The following NRXN1 variants were observed in gnomAD, a reference collection of about 807,000 sequenced individuals.
The protein encoded by NRXN1 is neurexin-1.
A neutral mutation model predicts 150.9 loss-of-function variants in NRXN1; 39 were observed. The ratio of observed to expected loss-of-function variants is 0.26; its 90% CI spans 0.20 to 0.34. The LOEUF (loss-of-function observed/expected upper bound fraction) is 0.34. Among genes scored for constraint, NRXN1 ranks in the 10% least tolerant of loss-of-function variants. NRXN1 has a pLI of 1.00. For synonymous variants in NRXN1, 924 were observed against 757.0 expected, an observed-to-expected ratio of 1.22 and a Z score of -3.62; for missense variants, 1,815 against 1,949.9, an observed-to-expected ratio of 0.93 and a Z score of 1.30.
intron 18 of NRXN1, among the ~76,000 whole-genome samples, chr2:50,111,883 C>T (rs112381124): frequency 1.1e-3 from 160 of 152,244 alleles, no homozygotes; most frequent in African/African-American, 3.7e-3. Context: ...AGCTTAGATG[C>T]TAATGGACCT....
intron 5 of NRXN1, among the ~76,000 whole-genome samples, chr2:50,637,874 T>G (rs1573915705): frequency 1.3e-5 from 2 of 150,486 alleles, no homozygotes; most frequent in African/African-American, 5.0e-5. Flanking sequence ...GATCTAGTAT[T>G]TAAAAAAAAA....
intron 17 of NRXN1, among the ~76,000 whole-genome samples, chr2:50,270,129 A>C (rs1236331454): frequency 6.6e-6 from 1 of 152,158 alleles, no homozygotes; most frequent in Non-Finnish European, 1.5e-5. Context: ...ATGACTCAAA[A>C]CCATGTGGGA....
chr2:50,439,104 C>T lies in NRXN1; in HGVS notation c.3364+26338G>A, dbSNP rs529772483. On this transcript the variant is annotated intron_variant, in intron 17 of 22. Transcript: ENST00000401669. The stretch of plus-strand genomic sequence containing the variant: ...AAAATTGTGTCTGTAGGATCGGTGG[C>T]TCTCTTGTCCTGCCAAAAGATTGAG... 3.3e-5 allele frequency among the ~76,000 whole-genome samples: 5 copies of T among 152,264 alleles called. No individual in the cohort carries two copies. The South Asian group carries it at 1.0e-3, about 32-fold the overall frequency.
At chr2:50,535,665 C>T (rs942647014) in intron 10 of NRXN1, among the ~76,000 whole-genome samples, 1 of 152,138 alleles carries the variant, frequency 6.6e-6, no homozygotes, top group Non-Finnish European at 1.5e-5. Flanking sequence ...ATTCATTGAA[C>T]ATTATTTCTG....
chr2:50,326,715 A>T (rs1484758511), intron 17 of NRXN1, among the ~76,000 whole-genome samples: 1 of 152,148 alleles, frequency 6.6e-6, no homozygotes, highest in Non-Finnish European at 1.5e-5. Flanking sequence ...CTATGTACAT[A>T]ATTATATAGA....
At chr2:51,010,099 G>C (rs1453587855) in intron 2 of NRXN1, among the ~76,000 whole-genome samples, 1 of 151,884 alleles carries the variant, frequency 6.6e-6, no homozygotes, top group Non-Finnish European at 1.5e-5. Flanking sequence ...TAAATCCCTG[G>C]AAAGTCATAT....
chr2:50,226,245 G>A (rs1197051528), intron 18 of NRXN1, among the ~76,000 whole-genome samples: 1 of 151,956 alleles, frequency 6.6e-6, no homozygotes, highest in East Asian at 1.9e-4. Flanking sequence ...GAACAGTTAT[G>A]AGACTGTTGA....
At chr2:50,265,990 TTA>T (rs1558408637) in intron 17 of NRXN1, among the ~76,000 whole-genome samples, 1,006 of 98,076 alleles carry the variant, frequency 0.01, 8 homozygotes, top group African/African-American at 0.039. Flanking sequence ...ATTATTATTA[TTA>T]TTATTATTTA....
At chr2:50,014,165 AAT>A (rs1321990225) in intron 21 of NRXN1, among the ~76,000 whole-genome samples, 1 of 151,774 alleles carries the variant, frequency 6.6e-6, no homozygotes, top group Non-Finnish European at 1.5e-5. Flanking sequence ...TAGCAGAGCG[AAT>A]AGTGTTGAAG....
intron 2 of NRXN1, among the ~76,000 whole-genome samples, chr2:51,013,630 C>T (rs1668235066): frequency 6.6e-6 from 1 of 151,940 alleles, no homozygotes; most frequent in Non-Finnish European, 1.5e-5. Context: ...GTCCAGGCTG[C>T]TGACCAGAAA....
At chr2:51,026,964 C>A (rs533538847) in intron 2 of NRXN1, among the ~76,000 whole-genome samples, 2 of 152,182 alleles carry the variant, frequency 1.3e-5, no homozygotes, top group Admixed American at 6.5e-5. Flanking sequence ...GAGCACTGCC[C>A]GTGAACCCTG....
At chr2:50,309,979 T>G (rs1203326952) in intron 17 of NRXN1, among the ~76,000 whole-genome samples, 1 of 152,208 alleles carries the variant, frequency 6.6e-6, no homozygotes, top group Non-Finnish European at 1.5e-5. Flanking sequence ...GCCTGAGGAT[T>G]GCTTCTAAAT....
intron 5 of NRXN1, among the ~76,000 whole-genome samples, chr2:50,664,342 T>C (rs1482019539): frequency 6.6e-6 from 1 of 151,218 alleles, no homozygotes; most frequent in Non-Finnish European, 1.5e-5. Flanking sequence ...GCAGAAAATA[T>C]TTATCCCAAA....
chr2:50,447,778 T>TATATATAC, intron 17 of NRXN1, among the ~76,000 whole-genome samples: 1 of 118,734 alleles, frequency 8.4e-6, no homozygotes, highest in South Asian at 2.6e-4. Flanking sequence ...TATATATATA[T>TATATATAC]ACCTAATTCC....
intron 17 of NRXN1, among the ~76,000 whole-genome samples, chr2:50,399,916 G>A (rs1343088927): frequency 7.1e-6 from 1 of 140,356 alleles, no homozygotes; most frequent in African/African-American, 2.6e-5. Context: ...AATAAGAACA[G>A]GTCTTTAGTT....
intron 5 of NRXN1, among the ~76,000 whole-genome samples, chr2:50,740,027 A>G (rs887920745): frequency 2.6e-5 from 4 of 152,182 alleles, no homozygotes; most frequent in African/African-American, 9.7e-5. Context: ...TACTCGTACA[A>G]GGGATGCTTT....
intron 19 of NRXN1, among the ~76,000 whole-genome samples, chr2:50,068,368 G>T (rs572351951): frequency 1.4e-4 from 21 of 146,046 alleles, no homozygotes; most frequent in African/African-American, 5.0e-4. Flanking sequence ...GAATACTATG[G>T]ATATGAATTT....
At chr2:50,888,105 A>T (rs1680531481) in intron 5 of NRXN1, among the ~76,000 whole-genome samples, 1 of 151,638 alleles carries the variant, frequency 6.6e-6, no homozygotes, top group African/African-American at 2.4e-5. Context: ...GTACAGTGTC[A>T]CAGCTGACTG....
At chr2:50,700,351 T>C (rs759168514) in intron 5 of NRXN1, among the ~76,000 whole-genome samples, 1 of 152,214 alleles carries the variant, frequency 6.6e-6, no homozygotes. Flanking sequence ...CTATGACATC[T>C]GTATCAACTT....
Sources: allele counts gnomAD v4.1 joint callset (sites outside exome capture counted in the v4.1 genomes callset), GRCh38; gene constraint gnomAD v4.1.1; transcripts MANE v1.5; gene names NCBI Gene and HGNC (gene_info 2026-07-23, HGNC 2026-07-21).